Variants in HEXA observed in about 807,000 individuals in gnomAD.
HEXA encodes the protein beta-hexosaminidase subunit alpha.
A neutral mutation model predicts 73.3 loss-of-function variants in HEXA; 54 were observed. The ratio of observed to expected loss-of-function variants is 0.74; its 90% CI spans 0.59 to 0.92. HEXA has a LOEUF of 0.92. Ranked by LOEUF, HEXA falls within the 40% of genes least tolerant of loss-of-function variation. The pLI is 0.00. For synonymous variants in HEXA, 230 were observed against 246.9 expected, an observed-to-expected ratio of 0.93 and a Z score of 0.64; for missense variants, 649 against 653.0, an observed-to-expected ratio of 0.99 and a Z score of 0.07.
chr15:72,345,321 T>C (rs2088595154), intron 13 of HEXA, 125 bp downstream of exon 13: 2 of 1,527,992 alleles, frequency 1.3e-6, no homozygotes, highest in African/African-American at 1.4e-5. Flanking sequence ...AATCCGTGGA[T>C]GAGGGCTGAC....
intron 1 of HEXA, chr15:72,362,519 C>T: frequency 2.2e-6 from 1 of 455,132 alleles, no homozygotes; most frequent in South Asian, 1.6e-5. Flanking sequence ...TATGATTGTG[C>T]TATGTGATAA....
intron 2 of HEXA, 32 bp from the exon 3 acceptor site, chr15:72,355,656 G>C: frequency 6.8e-7 from 1 of 1,476,302 alleles, no homozygotes; most frequent in Non-Finnish European, 9.5e-7. Flanking sequence ...CATTTAGTTG[G>C]TTAAGGTTTT....
intron 3 of HEXA, 132 bp from the exon 4 acceptor site, chr15:72,353,869 C>T (rs781615695): frequency 8.2e-6 from 6 of 732,784 alleles, no homozygotes; most frequent in African/African-American, 1.7e-5. Context: ...GTAGGCTTGA[C>T]GATTTTTAAC....
rs199585195 is a variant in HEXA at position 72,375,988 on chromosome 15, C to T, written c.-16G>A. Reference sequence around the variant, plus strand: ...AGCTTGTCATGGCCCGCTGGTCTCCCCTCTCGGAGGGGGCTGGCCACGTGA... The same window carrying T: ...AGCTTGTCATGGCCCGCTGGTCTCCTCTCTCGGAGGGGGCTGGCCACGTGA... On this transcript the variant is annotated 5_prime_UTR_variant, in exon 1 of 14. Transcript: ENST00000268097. The T allele has an allele frequency of 1.2e-6, 2 of 1,612,054 alleles. No individual in the cohort carries two copies. The highest frequency in any genetic ancestry group is 1.3e-5 in the African/African-American group (1 of 75,056).
In HEXA at chr15:72,352,739, C is replaced by T. The variant is rs182752385; in HGVS notation, c.570+329G>A. 1.5e-3 allele frequency among the ~76,000 whole-genome samples: 235 copies of T among 151,974 alleles called. 1 individual carries two copies. The highest frequency in any genetic ancestry group is 5.5e-3 in the African/African-American group (230 of 41,452). ...AGTGCAGTGGCGTGATCTCCACCCA[C>T]TGCAACCTCTGCCTCCTGGGTTCAT... is the stretch of plus-strand genomic sequence containing the variant. On this transcript the variant is annotated intron_variant, in intron 5 of 13. Coordinates refer to ENST00000268097, the MANE Select transcript of HEXA (RefSeq NM_000520.6).
At chr15:72,366,984 C>G (rs1160054194) in intron 1 of HEXA, among the ~76,000 whole-genome samples, 1 of 151,930 alleles carries the variant, frequency 6.6e-6, no homozygotes, top group African/African-American at 2.4e-5. Context: ...ACTCCTGTTG[C>G]CCAGGCTGGA....
At position 72,341,961 on chromosome 15, in the gene HEXA, G is replaced by A. The variant is rs961520885; in HGVS notation, c.*2116C>T. On this transcript the variant is annotated 3_prime_UTR_variant, in exon 14 of 14. Coordinates refer to ENST00000268097, the MANE Select transcript of HEXA (RefSeq NM_000520.6). ...TACTGCTTTAACTCAAGTGTATCAC[G>A]ATCTCTGCCTTCATCCACTTGAGAC... 6.6e-6 allele frequency: 1 copy of A among 152,146 alleles called. No homozygotes were observed. The highest frequency in any genetic ancestry group is 1.5e-5 in the Non-Finnish European group (1 of 68,030). The allele number at this position is 152,146 out of a possible 1,614,324, so 9.4% of individuals were successfully genotyped here.
intron 1 of HEXA, among the ~76,000 whole-genome samples, chr15:72,364,456 ACTTCT>A (rs2088890949): frequency 6.6e-6 from 1 of 152,002 alleles, no homozygotes; most frequent in Non-Finnish European, 1.5e-5. Flanking sequence ...AACTTACCTA[ACTTCT>A]CTTCTGTTTG....
At chr15:72,371,345 A>G (rs2088989027) in intron 1 of HEXA, among the ~76,000 whole-genome samples, 1 of 152,158 alleles carries the variant, frequency 6.6e-6, no homozygotes, top group Admixed American at 6.5e-5. Context: ...ATCTTCTCAG[A>G]CCTGTAATCC....
At chr15:72,366,006 CT>C (rs1433616568) in intron 1 of HEXA, among the ~76,000 whole-genome samples, 1 of 152,178 alleles carries the variant, frequency 6.6e-6, no homozygotes, top group Non-Finnish European at 1.5e-5. Flanking sequence ...TATCATTCAC[CT>C]TGTAAACCCT....
At chr15:72,375,598 TG>T in intron 1 of HEXA, 121 bp downstream of exon 1, 1 of 1,028,784 alleles carries the variant, frequency 9.7e-7, no homozygotes, top group Non-Finnish European at 1.5e-6. Flanking sequence ...GAGGAGGAAG[TG>T]GAGTGCCTGT....
rs566580738 is a variant in HEXA at position 72,350,569 on chromosome 15, G to A, written c.754C>T (p.Arg252Cys). The A allele has an allele frequency of 6.2e-6, 10 of 1,614,066 alleles. No homozygotes were observed. Among genetic ancestry groups the A allele is most frequent in the South Asian group, 3.3e-5 (3 of 91,082 alleles). ...GGAGTGTCAAACTCTGCAAGCACAC[G>A]GATACCCCGGAGCCGTGCGTATTCA... ...VIEYARLRGI[R>C]VLAEFDTPGH... The change falls in exon 7 of 14, where the codon CGT (arginine) becomes TGT (cysteine). Residue 252 changes from arginine to cysteine, a missense_variant. By Grantham distance (180) the Arg-to-Cys change is radical (BLOSUM62 -3). Transcript: ENST00000268097.
Position 72,351,387 on chromosome 15 carries a change from A to ATGAGCCAGTGC in HEXA, c.571-154_571-153insGCACTGGCTCA, listed in dbSNP as rs2088694239. 4 of 693,688 alleles carry ATGAGCCAGTGC rather than the reference A, an allele frequency of 5.8e-6. No homozygotes were observed. In the South Asian group the frequency reaches 6.1e-5, roughly 11 times the overall value. 43.0% of individuals were successfully genotyped at this position (693,688 alleles called of 1,614,324 possible). ...ATTAAGTATTTATGGGGTCTATCAA[A>ATGAGCCAGTGC]CCTTCCCATCAGGGAGGGATGGCAT... On this transcript the variant is annotated intron_variant, in intron 5 of 13. Transcript: ENST00000268097.
chr15:72,352,865 T>C (rs2088718640), intron 5 of HEXA, among the ~76,000 whole-genome samples: 1 of 152,160 alleles, frequency 6.6e-6, no homozygotes, highest in Non-Finnish European at 1.5e-5. Flanking sequence ...AGTTTCACCA[T>C]GTTGGCCAGG....
At chr15:72,353,855 T>G in intron 3 of HEXA, 118 bp from the exon 4 acceptor site, 1 of 786,622 alleles carries the variant, frequency 1.3e-6, no homozygotes. Context: ...AAAATGGATG[T>G]AGTGTAGGCT....
chr15:72,349,529 G>A (rs952991469), intron 7 of HEXA, among the ~76,000 whole-genome samples: 1 of 152,214 alleles, frequency 6.6e-6, no homozygotes. Flanking sequence ...TGGACACACT[G>A]CTTCTAGCAG....
At chr15:72,365,822 C>A (rs1395868463) in intron 1 of HEXA, among the ~76,000 whole-genome samples, 1 of 152,124 alleles carries the variant, frequency 6.6e-6, no homozygotes, top group Non-Finnish European at 1.5e-5. Context: ...GCTTGCTTGT[C>A]TCTGGAATCT....
At chr15:72,361,900 C>G (rs937928822) in intron 1 of HEXA, among the ~76,000 whole-genome samples, 3 of 152,190 alleles carry the variant, frequency 2.0e-5, no homozygotes, top group Non-Finnish European at 4.4e-5. Context: ...TAAAAAATCT[C>G]CCAGGCAGTC....
At chr15:72,370,678 C>G (rs1345962715) in intron 1 of HEXA, 1 of 278,698 alleles carries the variant, frequency 3.6e-6, no homozygotes, top group East Asian at 4.7e-5. Flanking sequence ...GTCTGAATGA[C>G]AGAGAAAGAC....
Sources: allele counts gnomAD v4.1 joint callset (sites outside exome capture counted in the v4.1 genomes callset), GRCh38; gene constraint gnomAD v4.1.1; transcripts MANE v1.5; gene names NCBI Gene and HGNC (gene_info 2026-07-23, HGNC 2026-07-21).